Variants in ARID2 observed in about 807,000 individuals in gnomAD.
The protein encoded by ARID2 is AT-rich interaction domain 2, also known as AT-rich interactive domain-containing protein 2.
In ARID2, 32 loss-of-function variants were observed where a neutral mutation model predicts 184.6. The ratio of observed to expected loss-of-function variants is 0.17; its 90% CI spans 0.13 to 0.23. The LOEUF is 0.23. Among genes scored for constraint, ARID2 ranks in the 10% least tolerant of loss-of-function variants. ARID2 has a pLI of 1.00. For synonymous variants in ARID2, 836 were observed against 772.6 expected, an observed-to-expected ratio of 1.08 and a Z score of -1.36; for missense variants, 1,696 against 2,197.6, an observed-to-expected ratio of 0.77 and a Z score of 4.56.
At chr12:45,752,481 A>G (rs1221290569) in intron 3 of ARID2, among the ~76,000 whole-genome samples, 1 of 152,200 alleles carries the variant, frequency 6.6e-6, no homozygotes, top group Non-Finnish European at 1.5e-5. Context: ...TAGGGAGGAA[A>G]CACTCAGTAG....
At chr12:45,811,070 G>C (rs1942696987) in intron 3 of ARID2, among the ~76,000 whole-genome samples, 1 of 152,054 alleles carries the variant, frequency 6.6e-6, no homozygotes, top group Admixed American at 6.6e-5. Flanking sequence ...TTAGCCGGGT[G>C]TGGTGGCAGT....
intron 3 of ARID2, among the ~76,000 whole-genome samples, chr12:45,786,426 A>G (rs925648842): frequency 6.6e-6 from 1 of 152,246 alleles, no homozygotes; most frequent in East Asian, 1.9e-4. Flanking sequence ...TAAAATATGA[A>G]AGCTATCACT....
chr12:45,862,812 T>A (rs1943770873), intron 16 of ARID2, among the ~76,000 whole-genome samples: 1 of 152,228 alleles, frequency 6.6e-6, no homozygotes, highest in Non-Finnish European at 1.5e-5. Context: ...AGATCAGTGT[T>A]ACATAATTTG....
Position 45,852,440 on chromosome 12 carries a change from A to C in ARID2, c.4317A>C (p.Thr1439=), listed in dbSNP as rs1943571460. The change falls in exon 15 of 21, where the codon ACA becomes ACC. Residue 1439 remains threonine, a synonymous_variant. Coordinates refer to ENST00000334344, the MANE Select transcript of ARID2 (RefSeq NM_152641.4). The part of the protein sequence containing the change: ...SSIQEASNAA[T]QQFSGTDLLN... Reference sequence around the variant, plus strand: ...TACAGGAGGCTTCAAATGCGGCAACACAGCAATTTAGTGGTACTGATTTGC... The same window carrying C: ...TACAGGAGGCTTCAAATGCGGCAACCCAGCAATTTAGTGGTACTGATTTGC... The C allele has an allele frequency of 2.5e-6, 4 of 1,614,184 alleles. No homozygotes were observed. Among genetic ancestry groups the C allele is most frequent in the Non-Finnish European group, 3.4e-6 (4 of 1,180,010 alleles).
chr12:45,814,305 C>G (rs1942765250), intron 4 of ARID2, among the ~76,000 whole-genome samples: 1 of 152,124 alleles, frequency 6.6e-6, no homozygotes, highest in Admixed American at 6.6e-5. Flanking sequence ...GTGACTGCCT[C>G]AGATTAAATT....
chr12:45,856,067 CTTTTTTTTTT>C (rs930473740), intron 15 of ARID2, among the ~76,000 whole-genome samples: 3 of 74,618 alleles, frequency 4.0e-5, no homozygotes, highest in East Asian at 8.1e-4. Context: ...TTCTTCTTTT[CTTTTTTTTTT>C]TTTTTTTTTT....
chr12:45,858,822 C>G (rs1049825389), intron 15 of ARID2, among the ~76,000 whole-genome samples: 3 of 152,198 alleles, frequency 2.0e-5, no homozygotes, highest in African/African-American at 4.8e-5. Flanking sequence ...TGTGATATCT[C>G]TACGGCCCTA....
intron 18 of ARID2, among the ~76,000 whole-genome samples, chr12:45,892,806 C>T (rs1944319146): frequency 6.6e-6 from 1 of 152,046 alleles, no homozygotes; most frequent in Non-Finnish European, 1.5e-5. Context: ...TACATAAAAT[C>T]ATCTCTGCAG....
intron 4 of ARID2, among the ~76,000 whole-genome samples, chr12:45,816,864 T>G (rs1592094845): frequency 6.6e-6 from 1 of 152,176 alleles, no homozygotes; most frequent in Non-Finnish European, 1.5e-5. Context: ...TAAATTTGAT[T>G]TGTAGTACCT....
intron 16 of ARID2, among the ~76,000 whole-genome samples, chr12:45,866,940 G>GTTT: frequency 7.9e-6 from 1 of 127,380 alleles, no homozygotes; most frequent in Non-Finnish European, 1.5e-5. Flanking sequence ...TGTTGTTGTT[G>GTTT]TTGTTGTTGT....
chr12:45,759,132 C>T (rs187747379), intron 3 of ARID2, among the ~76,000 whole-genome samples: 108 of 152,088 alleles, frequency 7.1e-4, no homozygotes, highest in East Asian at 6.9e-3. Context: ...TATGTTTTCA[C>T]GTAAATAATA....
intron 16 of ARID2, among the ~76,000 whole-genome samples, chr12:45,864,345 A>G (rs1050729979): frequency 1.3e-5 from 2 of 152,130 alleles, no homozygotes; most frequent in Admixed American, 6.5e-5. Flanking sequence ...CTTCAATATT[A>G]TGATTTCTTC....
At chr12:45,730,022 C>T (rs1940946858) in intron 1 of ARID2, 22 bp from the exon 2 acceptor site, 1 of 1,611,870 alleles carries the variant, frequency 6.2e-7, no homozygotes, top group Non-Finnish European at 8.5e-7. Flanking sequence ...CTGACAAGTG[C>T]GGGGCTTTTT....
chr12:45,822,211 G>C (rs1215986333), intron 6 of ARID2, among the ~76,000 whole-genome samples: 2 of 152,086 alleles, frequency 1.3e-5, no homozygotes, highest in African/African-American at 4.8e-5. Flanking sequence ...CTTAAAAGTA[G>C]CTCTCTTGGG....
In ARID2 at chr12:45,850,726, A is replaced by G. The variant is rs1439756141; in HGVS notation, c.2603A>G (p.Gln868Arg). Residue 868 changes from glutamine to arginine, a missense_variant, in exon 15 of 21, where the codon CAG becomes CGG. Physicochemically the swap from Gln to Arg is conservative, Grantham distance 43 (BLOSUM62 1). Around this residue, in one of 11 missense-constraint regions of ARID2, gnomAD observed 713 missense variants for 824.4 expected, o/e 0.86. Transcript: ENST00000334344. ...AATATTGTCTCAGCAACTTCAGTAC[A>G]GAATTTTCAGGTAGCTACAGGACAA... ...ASNIVSATSV[Q>R]NFQVATGQMV... is the part of the protein sequence containing the mutation. 1.9e-6 allele frequency: 3 copies of G among 1,614,150 alleles called. No individual in the cohort carries two copies. Among genetic ancestry groups the G allele is most frequent in the Non-Finnish European group, 8.5e-7 (1 of 1,179,984 alleles).
At chr12:45,751,441 A>G (rs1480232894) in intron 3 of ARID2, among the ~76,000 whole-genome samples, 2 of 152,198 alleles carry the variant, frequency 1.3e-5, no homozygotes, top group African/African-American at 2.4e-5. Flanking sequence ...CTTTGCATCT[A>G]CTGAAGCCAT....
rs765729231 is a variant in ARID2 at position 45,850,604 on chromosome 12, A to T, written c.2481A>T (p.Gln827His). The T allele has an allele frequency of 4.3e-6, 7 of 1,613,900 alleles. No homozygotes were observed. The African/African-American group carries it at 9.3e-5, about 22-fold the overall frequency. ...AACAGTTAATCACCACATCACCCCAACCTGTGCAAACTTCATCTCAACAGA... is the reference window on the plus strand; with the variant it reads ...AACAGTTAATCACCACATCACCCCATCCTGTGCAAACTTCATCTCAACAGA... ...QGQQLITTSP[Q>H]PVQTSSQQTS... Residue 827 changes from glutamine (Q) to histidine (H), a missense_variant, in exon 15 of 21, where the codon CAA (glutamine) becomes CAT (histidine). Physicochemically the swap from Gln to His is conservative, Grantham distance 24. Around this residue, in one of 11 missense-constraint regions of ARID2, gnomAD observed 713 missense variants for 824.4 expected, o/e 0.86. Transcript: ENST00000334344.
At chr12:45,873,846 C>T (rs923855716) in intron 16 of ARID2, among the ~76,000 whole-genome samples, 7 of 152,122 alleles carry the variant, frequency 4.6e-5, no homozygotes, top group African/African-American at 1.7e-4. Context: ...GGTCTTGCCT[C>T]GATATTGATG....
rs2138166728 is a variant in ARID2 at position 45,850,981 on chromosome 12, C to T, written c.2858C>T (p.Ala953Val). 2.5e-6 allele frequency: 4 copies of T among 1,614,176 alleles called. No individual in the cohort carries two copies. The highest frequency in any genetic ancestry group is 3.4e-6 in the Non-Finnish European group (4 of 1,180,024). Residue 953 changes from alanine to valine, a missense_variant, in exon 15 of 21, where the codon GCT (alanine) becomes GTT (valine). By Grantham distance (64) the Ala-to-Val change is moderately conservative. Coordinates refer to ENST00000334344, the MANE Select transcript of ARID2 (RefSeq NM_152641.4). Reference sequence around the variant, plus strand: ...CAAATTGTTCTTGCTAATCCAGCAGCTCTTCCAGCTGGTCAGACAGTTCAG... The same window carrying T: ...CAAATTGTTCTTGCTAATCCAGCAGTTCTTCCAGCTGGTCAGACAGTTCAG... ...IHQIVLANPA[A>V]LPAGQTVQLT...
Sources: allele counts gnomAD v4.1 joint callset (sites outside exome capture counted in the v4.1 genomes callset), GRCh38; gene constraint gnomAD v4.1.1; regional missense constraint gnomAD v4.1.1; transcripts MANE v1.5; gene names NCBI Gene and HGNC (gene_info 2026-07-23, HGNC 2026-07-21).